SLC2A13: variants seen among roughly 807,000 people sequenced by gnomAD.
SLC2A13 encodes proton myo-inositol cotransporter.
Under a neutral mutation model 64.4 loss-of-function variants are expected in SLC2A13, and 32 were observed. The ratio of observed to expected loss-of-function variants is 0.50; its 90% CI spans 0.37 to 0.67. The LOEUF is 0.67. Ranked by LOEUF, SLC2A13 falls within the 30% of genes least tolerant of loss-of-function variation. The pLI is 0.00. For synonymous variants in SLC2A13, 338 were observed against 327.1 expected (o/e 1.03, Z -0.36); for missense variants, 743 against 829.2 (o/e 0.90, Z 1.28).
chr12:39,782,878 T>C (rs1190322169), intron 7 of SLC2A13, among the ~76,000 whole-genome samples: 1 of 152,146 alleles, frequency 6.6e-6, no homozygotes, highest in Non-Finnish European at 1.5e-5. Context: ...TTTATTATTA[T>C]TATTTTTTAT....
intron 3 of SLC2A13, among the ~76,000 whole-genome samples, chr12:40,022,566 G>A (rs1947737054): frequency 6.6e-6 from 1 of 152,246 alleles, no homozygotes; most frequent in Non-Finnish European, 1.5e-5. Context: ...GCCGGGTGTT[G>A]TGGCTCATGC....
chr12:40,082,883 C>A (rs1038554145), intron 1 of SLC2A13, among the ~76,000 whole-genome samples: 1 of 152,198 alleles, frequency 6.6e-6, no homozygotes, highest in Non-Finnish European at 1.5e-5. Flanking sequence ...GGAATAAGTC[C>A]TGGTGCTCAG....
At chr12:39,950,329 A>G (rs1259576295) in intron 4 of SLC2A13, 1 of 152,178 alleles carries the variant, frequency 6.6e-6, no homozygotes, top group African/African-American at 2.4e-5. Flanking sequence ...CTTAATGAAA[A>G]AAATTCAATC....
intron 6 of SLC2A13, among the ~76,000 whole-genome samples, chr12:39,830,658 A>G (rs1461721751): frequency 1.3e-5 from 2 of 152,136 alleles, no homozygotes; most frequent in African/African-American, 4.8e-5. Context: ...CTATTTTAAA[A>G]AATGAAAATA....
At chr12:39,955,968 C>T (rs1946308202) in intron 3 of SLC2A13, among the ~76,000 whole-genome samples, 1 of 152,152 alleles carries the variant, frequency 6.6e-6, no homozygotes, top group East Asian at 1.9e-4. Context: ...TTGTAGTAAT[C>T]TATTATAGTA....
chr12:40,103,244 C>T (rs1275532857), intron 1 of SLC2A13, among the ~76,000 whole-genome samples: 16 of 152,164 alleles, frequency 1.1e-4, no homozygotes, highest in Admixed American at 1.0e-3. Flanking sequence ...CCTATGCTTT[C>T]CTTCCTTTAC....
chr12:39,872,600 G>A (rs1430211589), intron 4 of SLC2A13, among the ~76,000 whole-genome samples: 2 of 152,228 alleles, frequency 1.3e-5, no homozygotes, highest in East Asian at 3.8e-4. Flanking sequence ...TTCGTGCTAA[G>A]TGAACTCACT....
In SLC2A13 at chr12:40,105,330, G is replaced by C. The variant is rs186341127; in HGVS notation, c.479C>G (p.Ala160Gly). 1 of 1,598,002 alleles carries C rather than the reference G, an allele frequency of 6.3e-7. No individual in the cohort carries two copies. Among genetic ancestry groups the C allele is most frequent in the Non-Finnish European group, 8.5e-7 (1 of 1,173,836 alleles). ...AILLASALFTAGSAVLAAANN... is the reference protein window; with the variant it reads ...AILLASALFTGGSAVLAAANN... ...GGCCGCAGCCAGCACCGCGGAGCCG[G>C]CGGTGAAGAGGGCACTGGCCAGGAG... Residue 160 changes from alanine (A) to glycine (G), a missense_variant, in exon 1 of 10, where the codon GCC becomes GGC. Coordinates refer to ENST00000280871, the MANE Select transcript of SLC2A13 (RefSeq NM_052885.4). The surrounding 1 kb of genome is among the most constrained non-coding windows in gnomAD (Gnocchi z 4.2).
chr12:40,073,955 C>A (rs1252782216), intron 1 of SLC2A13, among the ~76,000 whole-genome samples: 1 of 151,896 alleles, frequency 6.6e-6, no homozygotes, highest in African/African-American at 2.4e-5. Flanking sequence ...TCAAATATTT[C>A]TTCTTTTCCT....
chr12:40,046,224 T>TA (rs768210911), intron 2 of SLC2A13, among the ~76,000 whole-genome samples: 3 of 152,192 alleles, frequency 2.0e-5, no homozygotes, highest in Non-Finnish European at 4.4e-5. Flanking sequence ...TAATCAATGG[T>TA]AAAAAACAGA....
At chr12:39,892,120 C>T (rs1944627077) in intron 4 of SLC2A13, among the ~76,000 whole-genome samples, 1 of 152,192 alleles carries the variant, frequency 6.6e-6, no homozygotes, top group Non-Finnish European at 1.5e-5. Context: ...TTTACATTCC[C>T]ACTTCTGCTC....
intron 3 of SLC2A13, among the ~76,000 whole-genome samples, chr12:39,980,070 A>G (rs1946859033): frequency 6.6e-6 from 1 of 152,070 alleles, no homozygotes; most frequent in Non-Finnish European, 1.5e-5. Context: ...ATCCAGCCAA[A>G]CAAAGCTTCA....
chr12:39,991,312 ACAT>A (rs1947134829), intron 3 of SLC2A13, among the ~76,000 whole-genome samples: 6 of 152,180 alleles, frequency 3.9e-5, no homozygotes, highest in Admixed American at 2.6e-4. Context: ...GCTCCAAGTG[ACAT>A]CGTAGCCCTA....
At chr12:39,947,129 A>G (rs1946149599) in intron 4 of SLC2A13, among the ~76,000 whole-genome samples, 2 of 152,224 alleles carry the variant, frequency 1.3e-5, no homozygotes. Flanking sequence ...AATAGAAGAC[A>G]GAAAAGTAAG....
At chr12:39,864,988 C>A (rs1943869225) in intron 5 of SLC2A13, 106 bp from the exon 6 acceptor site, 1 of 1,066,522 alleles carries the variant, frequency 9.4e-7, no homozygotes, top group Non-Finnish European at 1.3e-6. Context: ...AACAAAAACT[C>A]CTGAAAAAAA....
chr12:40,048,330 A>G (rs1948201256), intron 1 of SLC2A13, 120 bp from the exon 2 acceptor site: 1 of 903,890 alleles, frequency 1.1e-6, no homozygotes, highest in Non-Finnish European at 1.6e-6. Context: ...ACTTTAAGCA[A>G]AGGTTTACCA....
At chr12:39,981,510 C>T (rs1471556527) in intron 3 of SLC2A13, among the ~76,000 whole-genome samples, 10 of 149,138 alleles carry the variant, frequency 6.7e-5, no homozygotes, top group Non-Finnish European at 1.5e-4. Flanking sequence ...ACCGATCCCA[C>T]AGAAATACAA....
chr12:39,876,807 C>T (rs1241204123), intron 4 of SLC2A13, among the ~76,000 whole-genome samples: 1 of 152,142 alleles, frequency 6.6e-6, no homozygotes, highest in Non-Finnish European at 1.5e-5. Flanking sequence ...ATGGAACATA[C>T]TCTTCCTGAC....
chr12:39,797,696 A>T (rs1555237464), intron 7 of SLC2A13, among the ~76,000 whole-genome samples: 2 of 151,446 alleles, frequency 1.3e-5, no homozygotes, highest in Non-Finnish European at 2.9e-5. Context: ...ATGAAAAGCT[A>T]ATGGATACAT....
Sources: allele counts gnomAD v4.1 joint callset (sites outside exome capture counted in the v4.1 genomes callset), GRCh38; gene constraint gnomAD v4.1.1; non-coding constraint Gnocchi (gnomAD v3.1); transcripts MANE v1.5; gene names NCBI Gene and HGNC (gene_info 2026-07-23, HGNC 2026-07-21).